Variants in PDE6G observed in about 807,000 individuals in gnomAD.
PDE6G encodes phosphodiesterase 6G, also known as rod cGMP 3',5'-cyclic phosphodiesterase subunit gamma.
PDE6G carries 10 observed loss-of-function variants against 10.9 expected under a neutral mutation model. The observed-to-expected ratio is 0.91, with a 90% CI of 0.56 to 1.55. The LOEUF (loss-of-function observed/expected upper bound fraction) is 1.55. Among genes scored for constraint, PDE6G ranks in the 40% most tolerant of loss-of-function variants. The probability of loss-of-function intolerance (pLI) is 0.00; values close to 1 mark genes in which losing one functional copy is unlikely to be tolerated. For missense variants in PDE6G, 102 were observed against 110.1 expected (o/e 0.93, Z 0.33); for synonymous variants, 41 against 42.8 (o/e 0.96, Z 0.16).
chr17:81,660,566 C>T (rs1484708119), upstream of PDE6G, among the ~76,000 whole-genome samples: 1 of 152,206 alleles, frequency 6.6e-6, no homozygotes, highest in African/African-American at 2.4e-5. Flanking sequence ...AACAAACTCA[C>T]TGCAGCCTTG....
At chr17:81,654,678 G>A (rs7405655) in intron 1 of PDE6G, among the ~76,000 whole-genome samples, 64,883 of 151,062 alleles carry the variant, frequency 0.43, 15,191 homozygotes, top group East Asian at 0.78. Context: ...CACCGCGCCC[G>A]GCCTAAAAAA....
chr17:81,656,343 G>T, intron 1 of PDE6G, 150 bp downstream of exon 1: 1 of 636,348 alleles, frequency 1.6e-6, no homozygotes, highest in Non-Finnish European at 2.9e-6. Context: ...TGAATAACAG[G>T]GTGGCGGGTA....
chr17:81,656,662 G>A, upstream of PDE6G: 3 of 703,776 alleles, frequency 4.3e-6, no homozygotes, highest in Non-Finnish European at 7.8e-6. Flanking sequence ...AGGTTCAGGG[G>A]ATGGAGAGGA....
At position 81,651,889 on chromosome 17, in the gene PDE6G, C is replaced by G. The variant is rs1223136539; in HGVS notation, c.147-204G>C. 6.6e-6 allele frequency among the ~76,000 whole-genome samples: 1 copy of G among 152,196 alleles called. No homozygotes were observed. Among genetic ancestry groups the G allele is most frequent in the East Asian group, 1.9e-4 (1 of 5,188 alleles). On this transcript the variant is annotated intron_variant, in intron 2 of 3. Transcript: ENST00000331056. The surrounding 1 kb of genome is among the most constrained non-coding windows in gnomAD (Gnocchi z 4.8). ...ACAGACCCAGGGTGAGTCTGCTGCC[C>G]AGAGCATCATGGGGCTGAGGCCTAG...
intron 1 of PDE6G, among the ~76,000 whole-genome samples, chr17:81,655,186 A>C (rs1025431801): frequency 6.6e-6 from 1 of 152,092 alleles, no homozygotes; most frequent in African/African-American, 2.4e-5. Context: ...CATGACGGGC[A>C]CCCCGCAGTG....
At position 81,653,046 on chromosome 17, in the gene PDE6G, C is replaced by T. The variant is rs1320816425; in HGVS notation, c.146+114G>A. ...CGCCCTACCTTCCCCAGCTGTGAGG[C>T]TGGGACCACTCACCCAGTGAAGTGG... On this transcript the variant is annotated intron_variant, in intron 2 of 3. Transcript: ENST00000331056. The surrounding 1 kb of genome is among the most constrained non-coding windows in gnomAD (Gnocchi z 5.2). The T allele has an allele frequency of 2.4e-6, 3 of 1,252,212 alleles. No individual in the cohort carries two copies. The highest frequency in any genetic ancestry group is 3.5e-6 in the Non-Finnish European group (3 of 853,660). The allele number at this position is 1,252,212 out of a possible 1,614,324, so 77.6% of individuals were successfully genotyped here.
intron 1 of PDE6G, among the ~76,000 whole-genome samples, chr17:81,655,744 G>T (rs1263818530): frequency 6.6e-6 from 1 of 152,224 alleles, no homozygotes; most frequent in Non-Finnish European, 1.5e-5. Flanking sequence ...CCACCTCTTG[G>T]GGTCCCCTTT....
At chr17:81,661,242 C>T (rs756731143), upstream of PDE6G, among the ~76,000 whole-genome samples, 41 of 152,204 alleles carry the variant, frequency 2.7e-4, no homozygotes, top group Non-Finnish European at 1.8e-4. Flanking sequence ...AACAATGAAC[C>T]GGGCATGGTG....
At chr17:81,652,155 G>T (rs989759595) in intron 2 of PDE6G, among the ~76,000 whole-genome samples, 1 of 151,496 alleles carries the variant, frequency 6.6e-6, no homozygotes. Context: ...GCCTGTGTGC[G>T]CACACGAGTG....
In PDE6G at chr17:81,651,212, C is replaced by T. The variant is rs144728689; in HGVS notation, c.188-62G>A. 15,229 of 1,249,686 alleles carry T rather than the reference C, an allele frequency of 0.012. 124 individuals carry two copies. The highest frequency in any genetic ancestry group is 0.015 in the Middle Eastern group (73 of 4,826). 77.4% of individuals were successfully genotyped at this position (1,249,686 alleles called of 1,614,324 possible). ...CACGGCCTAGGGACCCCCCCATCCC[C>T]TGTGGCCCTGTTTCCCACAGCCCAG... On this transcript the variant is annotated intron_variant, in intron 3 of 3. Coordinates refer to ENST00000331056, the MANE Select transcript of PDE6G (RefSeq NM_002602.4). The surrounding 1 kb of genome is among the most constrained non-coding windows in gnomAD (Gnocchi z 4.8).
At chr17:81,654,586 CT>C (rs761076029) in intron 1 of PDE6G, among the ~76,000 whole-genome samples, 1 of 151,664 alleles carries the variant, frequency 6.6e-6, no homozygotes, top group African/African-American at 2.4e-5. Flanking sequence ...GTTTCACCAT[CT>C]TGGTCAGGCT....
In PDE6G at chr17:81,653,832, CAG is replaced by C. The variant is rs1184390553; in HGVS notation, c.-59-470_-59-469del. The C allele has an allele frequency of 6.2e-6, 1 of 162,218 alleles. No individual in the cohort carries two copies. The highest frequency in any genetic ancestry group is 1.4e-5 in the Non-Finnish European group (1 of 73,510). The allele number at this position is 162,218 out of a possible 1,614,324, so 10.0% of individuals were successfully genotyped here. A position where few individuals can be genotyped will look rare whatever the true frequency, so the allele number is the denominator to read the frequency against. On this transcript the variant is annotated intron_variant, in intron 1 of 3. Coordinates refer to ENST00000331056, the MANE Select transcript of PDE6G (RefSeq NM_002602.4). This position sits in a 1 kb window ranked among gnomAD's most constrained non-coding sequence, Gnocchi z 5.2. ...TTTTTGTTTTGTTTTGTTTTTGAGA[CAG>C]AGTTTTGCTCTTGTTGCCTGGGCTG...
At chr17:81,652,481 C>G (rs1430427248) in intron 2 of PDE6G, among the ~76,000 whole-genome samples, 2 of 151,616 alleles carry the variant, frequency 1.3e-5, no homozygotes, top group Non-Finnish European at 2.9e-5. Context: ...GTTTCACCTT[C>G]TTAGCCAGAA....
At chr17:81,656,452 A>G (rs1404944366) in intron 1 of PDE6G, 41 bp downstream of exon 1, 1 of 741,980 alleles carries the variant, frequency 1.3e-6, no homozygotes, top group East Asian at 2.5e-5. Context: ...CACTGGGGGA[A>G]GTGGCTGCCA....
At chr17:81,660,039 C>T (rs1249749327), upstream of PDE6G, among the ~76,000 whole-genome samples, 3 of 151,380 alleles carry the variant, frequency 2.0e-5, no homozygotes, top group South Asian at 2.1e-4. Flanking sequence ...GAGCCAAGAT[C>T]GTGCCATTGC....
At position 81,653,309 on chromosome 17, in the gene PDE6G, G is replaced by C. The variant is rs1322223876; in HGVS notation, c.-4C>G. The C allele has an allele frequency of 1.9e-6, 3 of 1,611,242 alleles. No homozygotes were observed. The Admixed American group carries it at 5.0e-5, about 27-fold the overall frequency. On this transcript the variant is annotated 5_prime_UTR_variant, in exon 2 of 4. Transcript: ENST00000331056. The surrounding 1 kb of genome is among the most constrained non-coding windows in gnomAD (Gnocchi z 5.2). Reference sequence around the variant, plus strand: ...CCTTGGGCGGTTCCAGGTTCATGGTGAGGCTGACGGAGACACCGCGGCAAC... The same window carrying C: ...CCTTGGGCGGTTCCAGGTTCATGGTCAGGCTGACGGAGACACCGCGGCAAC...
At chr17:81,660,303 T>C (rs2036498177), upstream of PDE6G, among the ~76,000 whole-genome samples, 1 of 151,972 alleles carries the variant, frequency 6.6e-6, no homozygotes. Flanking sequence ...TCCTAGCTAC[T>C]GGGGAGGCTG....
Position 81,653,433 on chromosome 17 carries a change from A to C in PDE6G, c.-59-69T>G. On this transcript the variant is annotated intron_variant, in intron 1 of 3. Transcript: ENST00000331056. The surrounding 1 kb of genome is among the most constrained non-coding windows in gnomAD (Gnocchi z 5.2). ...CCAACCCTTGTGGGGGTCTCAACCC[A>C]CCGGTGGAGGGGCTGAGACCCAGCC... The C allele has an allele frequency of 1.8e-6, 2 of 1,105,656 alleles. No individual in the cohort carries two copies. The highest frequency in any genetic ancestry group is 2.6e-5 in the East Asian group (1 of 38,848). The allele number at this position is 1,105,656 out of a possible 1,614,324, so 68.5% of individuals were successfully genotyped here. A position where few individuals can be genotyped will look rare whatever the true frequency, so the allele number is the denominator to read the frequency against.
intron 1 of PDE6G, among the ~76,000 whole-genome samples, chr17:81,655,203 G>C (rs1009906972): frequency 1.3e-5 from 2 of 152,332 alleles, no homozygotes; most frequent in Middle Eastern, 3.4e-3. Context: ...AGTGCTGATG[G>C]AGAATGACCC....
Sources: allele counts gnomAD v4.1 joint callset (sites outside exome capture counted in the v4.1 genomes callset), GRCh38; gene constraint gnomAD v4.1.1; non-coding constraint Gnocchi (gnomAD v3.1); transcripts MANE v1.5; gene names NCBI Gene and HGNC (gene_info 2026-07-23, HGNC 2026-07-21).